Variants in BLOC1S5 observed in about 807,000 individuals in gnomAD.
BLOC1S5 encodes biogenesis of lysosome-related organelles complex 1 subunit 5.
Under a neutral mutation model 24.3 loss-of-function variants are expected in BLOC1S5, and 27 were observed. That is an observed-to-expected ratio of 1.11 (90% CI 0.82 to 1.53). The LOEUF is 1.53. Among genes scored for constraint, BLOC1S5 ranks in the 40% most tolerant of loss-of-function variants. BLOC1S5 has a pLI of 0.00. For missense variants in BLOC1S5, 239 were observed against 229.4 expected (o/e 1.04, Z -0.27); for synonymous variants, 84 against 74.5 (o/e 1.13, Z -0.66).
intron 2 of BLOC1S5, among the ~76,000 whole-genome samples, chr6:8,047,642 G>A (rs929113857): frequency 1.3e-5 from 2 of 152,112 alleles, no homozygotes; most frequent in South Asian, 4.1e-4. Context: ...AAAAAAGTGA[G>A]TCATTTGTTC....
intron 3 of BLOC1S5, chr6:8,027,307 A>G (rs2113529977): frequency 8.8e-6 from 4 of 456,286 alleles, no homozygotes; most frequent in South Asian, 6.2e-5. Context: ...TGCTCGCTCA[A>G]TTATTCATTT....
chr6:8,035,767 G>A (rs985157548), intron 3 of BLOC1S5, among the ~76,000 whole-genome samples: 9 of 152,122 alleles, frequency 5.9e-5, no homozygotes, highest in African/African-American at 1.9e-4. Context: ...TAAAGGGAGA[G>A]ATAGAATGCA....
chr6:8,017,262 T>A (rs180674304), intron 4 of BLOC1S5, among the ~76,000 whole-genome samples: 1 of 152,262 alleles, frequency 6.6e-6, no homozygotes, highest in African/African-American at 2.4e-5. Flanking sequence ...AACTGGGATA[T>A]GCAAACTAGA....
At chr6:8,034,220 G>GAACC (rs1233475419) in intron 3 of BLOC1S5, among the ~76,000 whole-genome samples, 1 of 152,162 alleles carries the variant, frequency 6.6e-6, no homozygotes, top group Non-Finnish European at 1.5e-5. Context: ...CAAAGACTTG[G>GAACC]AACCAACCCA....
rs577282095 is a variant in BLOC1S5 at position 8,013,926 on chromosome 6, G to A, written c.*1723C>T. ...ATGAGCCTGTCAAGCCTACAGTAGC[G>A]GATAGAGAAAGTTGGCAGAAGTTCA... is the stretch of plus-strand genomic sequence containing the variant. On this transcript the variant is annotated 3_prime_UTR_variant, in exon 5 of 5. Transcript: ENST00000397457. The A allele has an allele frequency of 4.6e-5, 7 of 152,198 alleles. No homozygotes were observed. The highest frequency in any genetic ancestry group is 3.9e-4 in the East Asian group (2 of 5,184). 9.4% of individuals were successfully genotyped at this position (152,198 alleles called of 1,614,324 possible). A position where few individuals can be genotyped will look rare whatever the true frequency, so the allele number is the denominator to read the frequency against.
At chr6:8,064,083 T>G (rs965574373) in intron 1 of BLOC1S5, among the ~76,000 whole-genome samples, 182 bp downstream of exon 1, 1 of 152,030 alleles carries the variant, frequency 6.6e-6, no homozygotes, top group Non-Finnish European at 1.5e-5. Flanking sequence ...GTTGGGCTGG[T>G]TGGTTGTGGT....
intron 4 of BLOC1S5, among the ~76,000 whole-genome samples, chr6:8,024,408 C>G (rs1763036618): frequency 6.6e-6 from 1 of 151,136 alleles, no homozygotes; most frequent in African/African-American, 2.4e-5. Context: ...ATCCCAGCTA[C>G]TTGGGAAGCT....
At chr6:8,019,422 C>A (rs929564748) in intron 4 of BLOC1S5, among the ~76,000 whole-genome samples, 1 of 152,090 alleles carries the variant, frequency 6.6e-6, no homozygotes, top group Admixed American at 6.5e-5. Flanking sequence ...GCAACCACCA[C>A]CACACCTGGA....
At chr6:8,050,359 T>C (rs755226497) in intron 2 of BLOC1S5, among the ~76,000 whole-genome samples, 2 of 151,260 alleles carry the variant, frequency 1.3e-5, no homozygotes, top group African/African-American at 2.4e-5. Flanking sequence ...TGACTGGCCA[T>C]TCCCCCATCT....
At chr6:8,052,808 C>T (rs896729259) in intron 2 of BLOC1S5, among the ~76,000 whole-genome samples, 10 of 150,830 alleles carry the variant, frequency 6.6e-5, no homozygotes, top group African/African-American at 9.7e-5. Flanking sequence ...GGGAGGAGAA[C>T]GGCGTGAGCC....
In BLOC1S5 at chr6:8,015,600, G is replaced by A. The variant is rs1762703067; in HGVS notation, c.*49C>T. The A allele has an allele frequency of 1.3e-6, 2 of 1,556,786 alleles. No individual in the cohort carries two copies. The highest frequency in any genetic ancestry group is 1.7e-6 in the Non-Finnish European group (2 of 1,143,028). ...GGTCTGGTGGGAATAGTTTTCAGGA[G>A]AGAGGTGAACATCTTCTCATTAGTT... On this transcript the variant is annotated 3_prime_UTR_variant, in exon 5 of 5. Coordinates refer to ENST00000397457, the MANE Select transcript of BLOC1S5 (RefSeq NM_201280.3).
chr6:8,037,739 T>C (rs1028246253), intron 3 of BLOC1S5, among the ~76,000 whole-genome samples: 1 of 152,132 alleles, frequency 6.6e-6, no homozygotes, highest in Non-Finnish European at 1.5e-5. Context: ...AATACAAAGC[T>C]ATAGTAACCA....
At position 8,026,369 on chromosome 6, in the gene BLOC1S5, T is replaced by G. The variant is rs1162802102; in HGVS notation, c.382A>C (p.Lys128Gln). The change falls in exon 4 of 5, where the codon AAG becomes CAG. Residue 128 changes from lysine (K) to glutamine (Q), a missense_variant and splice_region_variant. Physicochemically the swap from Lys to Gln is moderately conservative, Grantham distance 53 (BLOSUM62 1). Coordinates refer to ENST00000397457, the MANE Select transcript of BLOC1S5 (RefSeq NM_201280.3). Reference protein sequence around the residue: ...RLQQREQERKKIHSDHLVASE... With the variant: ...RLQQREQERKQIHSDHLVASE... ...TCATTATCTAAATGATCTTTTACCT[T>G]TTTTCGTTCCTGTTCCCTCTGTTGG... 3 of 1,606,522 alleles carry G rather than the reference T, an allele frequency of 1.9e-6. No homozygotes were observed. Among genetic ancestry groups the G allele is most frequent in the African/African-American group, 2.7e-5 (2 of 74,884 alleles).
intron 3 of BLOC1S5, chr6:8,027,321 A>G: frequency 2.2e-6 from 1 of 456,166 alleles, no homozygotes; most frequent in Non-Finnish European, 4.4e-6. Flanking sequence ...TTCATTTGAC[A>G]AATGTTTACT....
At chr6:8,023,701 C>A (rs1763004252) in intron 4 of BLOC1S5, among the ~76,000 whole-genome samples, 2 of 152,178 alleles carry the variant, frequency 1.3e-5, no homozygotes, top group Middle Eastern at 3.2e-3. Flanking sequence ...AATAGTATAA[C>A]CAAGGGCAAC....
At chr6:8,040,992 AAC>A (rs1561863684) in intron 3 of BLOC1S5, 145 bp downstream of exon 3, 1 of 754,040 alleles carries the variant, frequency 1.3e-6, no homozygotes, top group East Asian at 2.8e-5. Flanking sequence ...AATTAATGGC[AAC>A]ACACATTAAT....
chr6:8,041,267 T>A lies in BLOC1S5; in HGVS notation c.197A>T (p.Glu66Val). The change falls in exon 3 of 5, where the codon GAA becomes GTA. Residue 66 changes from glutamate to valine, a missense_variant and splice_region_variant. Physicochemically the swap from Glu to Val is moderately radical, Grantham distance 121. Coordinates refer to ENST00000397457, the MANE Select transcript of BLOC1S5 (RefSeq NM_201280.3). ...ETRYFVKEFE[E>V]KRGLREMRVL... is the part of the protein sequence containing the mutation. ...TCGCATTTCTCGAAGACCACGTTTT[T>A]CCTATTAAAAGAAAGTAGATGACTA... is the stretch of plus-strand genomic sequence containing the variant. 1 of 1,604,722 alleles carries A rather than the reference T, an allele frequency of 6.2e-7. No homozygotes were observed. Among genetic ancestry groups the A allele is most frequent in the Non-Finnish European group, 8.5e-7 (1 of 1,176,064 alleles).
intron 3 of BLOC1S5, among the ~76,000 whole-genome samples, chr6:8,031,774 T>C (rs915834594): frequency 6.6e-5 from 10 of 152,132 alleles, no homozygotes; most frequent in South Asian, 2.1e-4. Flanking sequence ...AATAGGCGCA[T>C]AGACCAATGG....
At chr6:8,046,511 T>C (rs1203248342) in intron 2 of BLOC1S5, among the ~76,000 whole-genome samples, 2 of 146,346 alleles carry the variant, frequency 1.4e-5, no homozygotes, top group African/African-American at 5.5e-5. Context: ...AGGTTTTTTA[T>C]TTTTTTTGAG....
Sources: allele counts gnomAD v4.1 joint callset (sites outside exome capture counted in the v4.1 genomes callset), GRCh38; gene constraint gnomAD v4.1.1; transcripts MANE v1.5; gene names NCBI Gene and HGNC (gene_info 2026-07-23, HGNC 2026-07-21).